MEGF10: variants seen among roughly 807,000 people sequenced by gnomAD.
MEGF10 encodes multiple EGF like domains 10.
A neutral mutation model predicts 147.5 loss-of-function variants in MEGF10; 86 were observed. That is an observed-to-expected ratio of 0.58 (90% CI 0.49 to 0.70). MEGF10 has a LOEUF of 0.70. Ranked by LOEUF, MEGF10 falls within the 30% of genes least tolerant of loss-of-function variation. MEGF10 has a pLI of 0.00. For synonymous variants in MEGF10, 478 were observed against 525.5 expected (o/e 0.91, Z 1.24); for missense variants, 1,329 against 1,487.3 (o/e 0.89, Z 1.75).
At chr5:127,382,645 T>C (rs1356777595) in intron 5 of MEGF10, among the ~76,000 whole-genome samples, 1 of 152,188 alleles carries the variant, frequency 6.6e-6, no homozygotes, top group Non-Finnish European at 1.5e-5. Flanking sequence ...GAAGATACTA[T>C]ATGCAAAGTT....
chr5:127,363,589 G>T lies in MEGF10; in HGVS notation c.320-6321G>T, dbSNP rs183748526. Among the ~76,000 whole-genome samples the T allele has an allele frequency of 1.4e-4, 21 of 152,284 alleles. No homozygotes were observed. The East Asian group carries it at 3.7e-3, about 27-fold the overall frequency. On this transcript the variant is annotated intron_variant, in intron 4 of 24. Coordinates refer to ENST00000503335, the MANE Select transcript of MEGF10 (RefSeq NM_001256545.2). ...GGGACAATAAATGTAGTTTATTGCT[G>T]ACGTCACTGCTGGCCCTGGTACAAG...
At chr5:127,371,191 C>CTG (rs10591122) in intron 5 of MEGF10, among the ~76,000 whole-genome samples, 14,868 of 125,942 alleles carry the variant, frequency 0.12, 914 homozygotes, top group Non-Finnish European at 0.14. Context: ...GGGACTGGGA[C>CTG]TGTGTGTGTG....
At chr5:127,412,326 A>G (rs1190301269) in intron 9 of MEGF10, among the ~76,000 whole-genome samples, 1 of 152,172 alleles carries the variant, frequency 6.6e-6, no homozygotes, top group Non-Finnish European at 1.5e-5. Context: ...ATATGACTCT[A>G]TCTTGTTGAA....
At chr5:127,257,112 G>A in the MEGF10 span, among the ~76,000 whole-genome samples, 1 of 152,124 alleles carries the variant, frequency 6.6e-6, no homozygotes, top group Non-Finnish European at 1.5e-5. Flanking sequence ...TGTGAGCAAA[G>A]GTTGTCTTAT....
Position 127,457,564 on chromosome 5 carries a change from A to C in MEGF10, c.*246A>C, listed in dbSNP as rs1219466218. ...AGTTTTAGAACTATACCCGTGAAGC[A>C]TGACTTATTGTAAGATGTTGGCTGA... On this transcript the variant is annotated 3_prime_UTR_variant, in exon 25 of 25. Coordinates refer to ENST00000503335, the MANE Select transcript of MEGF10 (RefSeq NM_001256545.2). 2 of 455,124 alleles carry C rather than the reference A, an allele frequency of 4.4e-6. No individual in the cohort carries two copies. Among genetic ancestry groups the C allele is most frequent in the Non-Finnish European group, 7.8e-6 (2 of 256,382 alleles). The allele number at this position is 455,124 out of a possible 1,614,324, so 28.2% of individuals were successfully genotyped here. A position where few individuals can be genotyped will look rare whatever the true frequency, so the allele number is the denominator to read the frequency against.
upstream of MEGF10, among the ~76,000 whole-genome samples, chr5:127,289,321 A>G (rs78627309): frequency 0.017 from 2,580 of 152,348 alleles, 63 homozygotes; most frequent in East Asian, 0.091. Context: ...GGCATGAACT[A>G]ACAGCCAATT....
At chr5:127,331,759 G>C (rs749017895) in intron 2 of MEGF10, among the ~76,000 whole-genome samples, 14 of 152,090 alleles carry the variant, frequency 9.2e-5, no homozygotes, top group South Asian at 2.1e-4. Flanking sequence ...ACTTATGCAT[G>C]GGAACCCATG....
chr5:127,323,159 T>C (rs1054717304), intron 1 of MEGF10, among the ~76,000 whole-genome samples: 28 of 152,194 alleles, frequency 1.8e-4, no homozygotes, highest in African/African-American at 6.5e-4. Context: ...CATAGAAAAG[T>C]AGCCCAAGTG....
chr5:127,230,821 G>A, the MEGF10 span, among the ~76,000 whole-genome samples: 1 of 152,218 alleles, frequency 6.6e-6, no homozygotes, highest in African/African-American at 2.4e-5. Context: ...TTCTTAATGG[G>A]AAGCAAGAAA....
chr5:127,288,657 A>G (rs1759107129), upstream of MEGF10, among the ~76,000 whole-genome samples: 1 of 152,186 alleles, frequency 6.6e-6, no homozygotes, highest in African/African-American at 2.4e-5. Context: ...AATGTTTTCC[A>G]CTTTGGAAAG....
rs576528009 is a variant in MEGF10, at chr5:127,457,421, C to T, written c.*103C>T. The T allele has an allele frequency of 2.6e-5, 33 of 1,285,802 alleles. No homozygotes were observed. The highest frequency in any genetic ancestry group is 8.9e-5 in the African/African-American group (6 of 67,328). The allele number at this position is 1,285,802 out of a possible 1,614,324, so 79.6% of individuals were successfully genotyped here. A position where few individuals can be genotyped will look rare whatever the true frequency, so the allele number is the denominator to read the frequency against. ...ACTTTCATGTGAATGTTAGTCAATT[C>T]GGTGGGCAATTTTTGGACATGAACC... On this transcript the variant is annotated 3_prime_UTR_variant, in exon 25 of 25. Transcript: ENST00000503335.
In MEGF10 at chr5:127,402,621, GGA is replaced by G; in HGVS notation, c.858_859del (p.Gly287AspfsTer3). 1.2e-6 allele frequency: 2 copies of G among 1,614,128 alleles called. No individual in the cohort carries two copies. The highest frequency in any genetic ancestry group is 1.7e-6 in the Non-Finnish European group (2 of 1,180,010). ...TTCCCAAGAATGCCAGTGCCATAAT[GGA>G]GGGACGTGTGATGCTGCCACAGGCC... ...NCSQECQCHNGGTCDAATGQC... is the reference protein window; with the variant it reads ...NCSQECQCHNXGTCDAATGQC... On this transcript the variant is annotated frameshift_variant, in exon 8 of 25. Coordinates refer to ENST00000503335, the MANE Select transcript of MEGF10 (RefSeq NM_001256545.2). LOFTEE classifies it high-confidence loss of function.
chr5:127,398,441 T>A (rs1246424600), intron 6 of MEGF10, among the ~76,000 whole-genome samples: 2 of 152,156 alleles, frequency 1.3e-5, no homozygotes, highest in African/African-American at 4.8e-5. Context: ...ATAGGATAGC[T>A]TCTCTTCAAA....
intron 1 of MEGF10, among the ~76,000 whole-genome samples, chr5:127,314,517 GA>G (rs1760438673): frequency 6.6e-6 from 1 of 152,204 alleles, no homozygotes; most frequent in African/African-American, 2.4e-5. Flanking sequence ...AGTTTCTAGT[GA>G]AAAGACTAGA....
chr5:127,250,813 G>T, the MEGF10 span, among the ~76,000 whole-genome samples: 4 of 151,534 alleles, frequency 2.6e-5, no homozygotes, highest in Non-Finnish European at 5.9e-5. Flanking sequence ...AATTCAGTAC[G>T]ACAGATACAA....
chr5:127,267,965 T>C, the MEGF10 span, among the ~76,000 whole-genome samples: 2 of 152,222 alleles, frequency 1.3e-5, no homozygotes, highest in African/African-American at 4.8e-5. Context: ...CTGCTAGCTT[T>C]TGAATGTGTT....
intron 13 of MEGF10, among the ~76,000 whole-genome samples, chr5:127,430,917 A>T (rs1765369827): frequency 6.6e-6 from 1 of 152,254 alleles, no homozygotes; most frequent in South Asian, 2.1e-4. Context: ...TATAATTTAT[A>T]TTCAAAGGAA....
intron 5 of MEGF10, among the ~76,000 whole-genome samples, chr5:127,393,468 G>A (rs1373385208): frequency 6.6e-6 from 1 of 152,208 alleles, no homozygotes; most frequent in Non-Finnish European, 1.5e-5. Context: ...ATGAAGAAAG[G>A]AAAGGAAGTC....
chr5:127,347,863 C>A (rs146116302), intron 4 of MEGF10, among the ~76,000 whole-genome samples: 383 of 152,132 alleles, frequency 2.5e-3, no homozygotes, highest in African/African-American at 8.8e-3. Flanking sequence ...TTTCTGTGAA[C>A]CTCACTTCTT....
Sources: gnomAD v4.1 joint callset for allele counts (sites outside exome capture counted in the v4.1 genomes callset) on GRCh38, gnomAD v4.1.1 for gene constraint, MANE v1.5 for transcripts, NCBI Gene and HGNC (gene_info 2026-07-23, HGNC 2026-07-21) for gene names.